The following FSTL4 variants were observed in gnomAD, a reference collection of about 807,000 sequenced individuals.
FSTL4 encodes the protein follistatin-related protein 4.
FSTL4 carries 28 observed loss-of-function variants against 78.2 expected under a neutral mutation model. That is an observed-to-expected ratio of 0.36 (90% confidence interval 0.27 to 0.49). FSTL4 has a LOEUF of 0.49. Among genes scored for constraint, FSTL4 ranks in the 20% least tolerant of loss-of-function variants. The probability of loss-of-function intolerance (pLI) is 0.98; values close to 1 mark genes in which losing one functional copy is unlikely to be tolerated. For missense variants in FSTL4, 922 were observed against 1,084.9 expected, an observed-to-expected ratio of 0.85 and a Z score of 2.11; for synonymous variants, 422 against 440.5, an observed-to-expected ratio of 0.96 and a Z score of 0.53.
intron 6 of FSTL4, among the ~76,000 whole-genome samples, chr5:133,267,986 A>T (rs1299007222): frequency 6.6e-6 from 1 of 152,226 alleles, no homozygotes; most frequent in Non-Finnish European, 1.5e-5. Context: ...TTTGCTTTCA[A>T]TAGCATTAGC....
chr5:133,300,040 A>G (rs1753498337), intron 6 of FSTL4, among the ~76,000 whole-genome samples: 1 of 152,180 alleles, frequency 6.6e-6, no homozygotes, highest in Admixed American at 6.5e-5. Context: ...TCCCAAACTC[A>G]GAAGCCCTTA....
At chr5:133,465,166 G>A (rs1233068936) in intron 3 of FSTL4, among the ~76,000 whole-genome samples, 3 of 152,178 alleles carry the variant, frequency 2.0e-5, no homozygotes, top group Admixed American at 6.5e-5. Context: ...CCTGAAAGGC[G>A]TTGCCACATT....
At chr5:133,444,249 A>G (rs1356651164) in intron 3 of FSTL4, among the ~76,000 whole-genome samples, 2 of 152,214 alleles carry the variant, frequency 1.3e-5, no homozygotes, top group Non-Finnish European at 2.9e-5. Context: ...CACAGTCCCC[A>G]TGGGAGGATT....
chr5:133,281,750 C>T (rs1011253974), intron 6 of FSTL4, among the ~76,000 whole-genome samples: 4 of 152,140 alleles, frequency 2.6e-5, no homozygotes, highest in African/African-American at 9.7e-5. Context: ...AGTCCCAGCC[C>T]CCAGGACATG....
chr5:133,831,958 C>T, the FSTL4 span, among the ~76,000 whole-genome samples: 1 of 152,182 alleles, frequency 6.6e-6, no homozygotes, highest in Non-Finnish European at 1.5e-5. Context: ...GATAACTACA[C>T]GGTGGAGCTC....
intron 6 of FSTL4, among the ~76,000 whole-genome samples, chr5:133,292,378 A>C (rs1753285809): frequency 6.6e-6 from 1 of 152,060 alleles, no homozygotes; most frequent in East Asian, 1.9e-4. Context: ...TCCAGGCCCC[A>C]GTCCTCCTGC....
At chr5:133,762,597 G>A in the FSTL4 span, among the ~76,000 whole-genome samples, 1 of 152,200 alleles carries the variant, frequency 6.6e-6, no homozygotes, top group Non-Finnish European at 1.5e-5. Flanking sequence ...CGTATATCCA[G>A]AAGGTCCAGC....
intron 3 of FSTL4, among the ~76,000 whole-genome samples, chr5:133,411,317 A>T (rs1327149721): frequency 6.6e-6 from 1 of 152,256 alleles, no homozygotes; most frequent in Non-Finnish European, 1.5e-5. Flanking sequence ...AAATGCCACG[A>T]GAATCAAGCA....
intron 4 of FSTL4, among the ~76,000 whole-genome samples, chr5:133,345,925 A>C (rs963631444): frequency 6.6e-6 from 1 of 152,258 alleles, no homozygotes; most frequent in African/African-American, 2.4e-5. Flanking sequence ...CTATTCTACT[A>C]TAAAGACACA....
At chr5:133,498,575 G>A (rs1758419596) in intron 3 of FSTL4, among the ~76,000 whole-genome samples, 1 of 151,908 alleles carries the variant, frequency 6.6e-6, no homozygotes, top group Non-Finnish European at 1.5e-5. Context: ...AAAATTAACT[G>A]GGCATGGTGG....
At chr5:133,269,761 C>T (rs1038542797) in intron 6 of FSTL4, among the ~76,000 whole-genome samples, 1 of 152,226 alleles carries the variant, frequency 6.6e-6, no homozygotes, top group Non-Finnish European at 1.5e-5. Context: ...GAAAGTTCTA[C>T]CAGTCCCATC....
chr5:133,684,934 A>G, the FSTL4 span, among the ~76,000 whole-genome samples: 1 of 152,184 alleles, frequency 6.6e-6, no homozygotes, highest in African/African-American at 2.4e-5. Flanking sequence ...AGGGATTGAG[A>G]TGTATTTGTG....
At chr5:133,230,385 A>G (rs1751458345) in intron 8 of FSTL4, among the ~76,000 whole-genome samples, 1 of 152,200 alleles carries the variant, frequency 6.6e-6, no homozygotes, top group Non-Finnish European at 1.5e-5. Flanking sequence ...ATTCAGGGCT[A>G]ATTTTGAACC....
chr5:133,596,609 A>G (rs1292742521), intron 2 of FSTL4, among the ~76,000 whole-genome samples: 1 of 152,168 alleles, frequency 6.6e-6, no homozygotes, highest in East Asian at 1.9e-4. Context: ...ACAAAGGAAG[A>G]AAAGCCAAGG....
chr5:133,660,951 A>G, the FSTL4 span, among the ~76,000 whole-genome samples: 1 of 152,096 alleles, frequency 6.6e-6, no homozygotes, highest in Non-Finnish European at 1.5e-5. Flanking sequence ...CGTGAGCTCT[A>G]GCTTTAGAGA....
intron 3 of FSTL4, among the ~76,000 whole-genome samples, chr5:133,471,868 A>G (rs1757832421): frequency 6.6e-6 from 1 of 152,208 alleles, no homozygotes; most frequent in Non-Finnish European, 1.5e-5. Context: ...AGTTAACACT[A>G]CACTTTTCAT....
the FSTL4 span, among the ~76,000 whole-genome samples, chr5:133,709,553 G>A: frequency 6.6e-6 from 1 of 152,238 alleles, no homozygotes; most frequent in Non-Finnish European, 1.5e-5. Flanking sequence ...TTGGCATGCT[G>A]AGCAATGGCT....
the FSTL4 span, among the ~76,000 whole-genome samples, chr5:133,750,172 G>T: frequency 6.6e-6 from 1 of 152,114 alleles, no homozygotes; most frequent in South Asian, 2.1e-4. Context: ...ACCAAGAGAG[G>T]ACAATACTGG....
rs780331891 is a variant in FSTL4 at position 133,220,886 on chromosome 5, T to C, written c.1340-20A>G. 4.2e-6 allele frequency: 6 copies of C among 1,417,054 alleles called. No individual in the cohort carries two copies. In the African/African-American group the frequency reaches 7.0e-5, roughly 17 times the overall value. 87.8% of individuals were successfully genotyped at this position (1,417,054 alleles called of 1,614,324 possible). ...TGAGGCCTGGGAGGAGCAAATGGAA[T>C]GGGCATGCCCTCCAAGCAGTCGGCC... On this transcript the variant is annotated intron_variant, in intron 11 of 15. Transcript: ENST00000265342.
Sources: gnomAD v4.1 joint callset for allele counts (sites outside exome capture counted in the v4.1 genomes callset) on GRCh38, gnomAD v4.1.1 for gene constraint, MANE v1.5 for transcripts, NCBI Gene and HGNC (gene_info 2026-07-23, HGNC 2026-07-21) for gene names.